The following PLXDC2 variants were observed in gnomAD, a reference collection of about 807,000 sequenced individuals.
The protein encoded by PLXDC2 is plexin domain containing 2, also known as plexin domain-containing protein 2.
In PLXDC2, 40 loss-of-function variants were observed where a neutral mutation model predicts 68.9. The ratio of observed to expected loss-of-function variants is 0.58; its 90% CI spans 0.45 to 0.76. The LOEUF is 0.76. Ranked by LOEUF, PLXDC2 falls within the 30% of genes least tolerant of loss-of-function variation. PLXDC2 has a pLI of 0.00. For missense variants in PLXDC2, 644 were observed against 661.9 expected (o/e 0.97, Z 0.30); for synonymous variants, 243 against 234.2 (o/e 1.04, Z -0.34).
In PLXDC2 at chr10:20,179,202, G is replaced by A. The variant is rs145139557; in HGVS notation, c.1061+1793G>A. On this transcript the variant is annotated intron_variant, in intron 9 of 13. Transcript: ENST00000377252. ...ATCACCTCGTCCAAGTCTGCATGAG[G>A]TGCCTATCAGCTATGTTTCTTTGCA... 1.1e-3 allele frequency among the ~76,000 whole-genome samples: 173 copies of A among 152,214 alleles called. 2 individuals are homozygous for A. The highest frequency in any genetic ancestry group is 4.0e-3 in the African/African-American group (166 of 41,558).
intron 9 of PLXDC2, among the ~76,000 whole-genome samples, chr10:20,205,985 A>G (rs761137533): frequency 2.0e-5 from 3 of 152,058 alleles, no homozygotes; most frequent in African/African-American, 7.2e-5. Context: ...TTGTATATAT[A>G]GTGTAGTTTA....
chr10:20,094,499 A>G (rs1159159806), intron 4 of PLXDC2, among the ~76,000 whole-genome samples: 1 of 152,146 alleles, frequency 6.6e-6, no homozygotes, highest in African/African-American at 2.4e-5. Flanking sequence ...AAGACAATTT[A>G]TGACTGGAAG....
intron 2 of PLXDC2, among the ~76,000 whole-genome samples, chr10:20,019,986 A>T (rs1394461440): frequency 6.6e-6 from 1 of 151,958 alleles, no homozygotes; most frequent in East Asian, 1.9e-4. Context: ...TTTTTAAAAA[A>T]GAAAACAAAA....
At chr10:19,909,552 A>G (rs776561051) in intron 1 of PLXDC2, among the ~76,000 whole-genome samples, 1 of 152,102 alleles carries the variant, frequency 6.6e-6, no homozygotes, top group African/African-American at 2.4e-5. Context: ...CAACCAATCT[A>G]TTTGCTCTTA....
rs1026437141 is a variant in PLXDC2, at chr10:19,944,672, C to T, written c.113-57103C>T. Reference sequence around the variant, plus strand: ...GTAAAGAAATAGAAGCATTGGTGGCCGGGTATGGTGGCTCACGCCTGTAAT... The same window carrying T: ...GTAAAGAAATAGAAGCATTGGTGGCTGGGTATGGTGGCTCACGCCTGTAAT... On this transcript the variant is annotated intron_variant, in intron 1 of 13. Transcript: ENST00000377252. 1.1e-4 allele frequency among the ~76,000 whole-genome samples: 16 copies of T among 152,174 alleles called. No homozygotes were observed. The South Asian group carries it at 2.1e-3, about 20-fold the overall frequency.
intron 1 of PLXDC2, among the ~76,000 whole-genome samples, chr10:19,872,956 T>A (rs1837567812): frequency 6.6e-6 from 1 of 152,134 alleles, no homozygotes; most frequent in Non-Finnish European, 1.5e-5. Flanking sequence ...ATATCTAATC[T>A]TTATGCTGAT....
chr10:20,272,983 G>A (rs569948857), intron 13 of PLXDC2, among the ~76,000 whole-genome samples: 1 of 152,312 alleles, frequency 6.6e-6, no homozygotes, highest in Admixed American at 6.5e-5. Context: ...TCCGGGTTTG[G>A]AATCCATTGC....
chr10:20,105,649 C>G (rs1373331061), intron 4 of PLXDC2, among the ~76,000 whole-genome samples: 1 of 152,116 alleles, frequency 6.6e-6, no homozygotes, highest in African/African-American at 2.4e-5. Context: ...CCTCCTGCCC[C>G]CTACCCCCAC....
intron 1 of PLXDC2, among the ~76,000 whole-genome samples, chr10:19,877,779 A>G (rs932707943): frequency 6.6e-6 from 1 of 152,230 alleles, no homozygotes; most frequent in Non-Finnish European, 1.5e-5. Context: ...GGGCCTTTTT[A>G]TAATAGCTTA....
chr10:20,126,961 A>G (rs182897074), intron 4 of PLXDC2, among the ~76,000 whole-genome samples: 1 of 149,518 alleles, frequency 6.7e-6, no homozygotes, highest in Non-Finnish European at 1.5e-5. Flanking sequence ...TGTTATATAT[A>G]CATATATATA....
In PLXDC2 at chr10:20,234,378, G is replaced by A. The variant is rs569580222; in HGVS notation, c.1313-10967G>A. ...TTTATATTTCAGGAGACTTGGTGCT[G>A]CGGTAGCTAAGGGGCAGTCAGTGTG... On this transcript the variant is annotated intron_variant, in intron 12 of 13. Transcript: ENST00000377252. Among the ~76,000 whole-genome samples, 3 of 152,284 alleles carry A rather than the reference G, an allele frequency of 2.0e-5. No individual in the cohort carries two copies. The East Asian group carries it at 5.8e-4, about 29-fold the overall frequency.
chr10:20,228,617 AGAAG>A (rs1196567110), intron 12 of PLXDC2, among the ~76,000 whole-genome samples: 1 of 144,786 alleles, frequency 6.9e-6, no homozygotes, highest in Admixed American at 6.9e-5. Context: ...GAAGGAGGAA[AGAAG>A]GAAGGAAGGG....
At chr10:20,214,497 A>AT (rs1159691755) in intron 10 of PLXDC2, among the ~76,000 whole-genome samples, 1 of 151,920 alleles carries the variant, frequency 6.6e-6, no homozygotes, top group Non-Finnish European at 1.5e-5. Flanking sequence ...TTGATTTTGG[A>AT]TTTTTTTCCT....
chr10:19,874,574 C>T (rs959498857), intron 1 of PLXDC2, among the ~76,000 whole-genome samples: 17 of 152,132 alleles, frequency 1.1e-4, no homozygotes. Context: ...AACACAAAAG[C>T]ACTTAGAATA....
chr10:20,214,635 G>A (rs1835112550), intron 10 of PLXDC2, among the ~76,000 whole-genome samples: 1 of 151,968 alleles, frequency 6.6e-6, no homozygotes, highest in African/African-American at 2.4e-5. Flanking sequence ...GGCACCATTG[G>A]GATATTCTTT....
chr10:19,820,295 G>T (rs987061361), intron 1 of PLXDC2, among the ~76,000 whole-genome samples: 1 of 152,150 alleles, frequency 6.6e-6, no homozygotes, highest in Non-Finnish European at 1.5e-5. Flanking sequence ...GCTCCAGACA[G>T]GTTTCTTCAC....
intron 1 of PLXDC2, among the ~76,000 whole-genome samples, chr10:19,828,561 G>A (rs777062127): frequency 2.6e-5 from 4 of 152,046 alleles, no homozygotes; most frequent in Non-Finnish European, 5.9e-5. Context: ...TGGTTGTTTA[G>A]CCTTCTTTAT....
chr10:20,144,017 T>C (rs546792864), intron 5 of PLXDC2, among the ~76,000 whole-genome samples: 131 of 152,074 alleles, frequency 8.6e-4, no homozygotes, highest in Non-Finnish European at 1.4e-3. Flanking sequence ...AAAACTATAA[T>C]AAATCATTAA....
At chr10:19,866,658 A>G (rs1437385154) in intron 1 of PLXDC2, among the ~76,000 whole-genome samples, 1 of 152,202 alleles carries the variant, frequency 6.6e-6, no homozygotes, top group Non-Finnish European at 1.5e-5. Context: ...GATTTGCAGC[A>G]AGAGAAAGTG....
Sources: allele counts gnomAD v4.1 joint callset (sites outside exome capture counted in the v4.1 genomes callset), GRCh38; gene constraint gnomAD v4.1.1; transcripts MANE v1.5; gene names NCBI Gene and HGNC (gene_info 2026-07-23, HGNC 2026-07-21).